The following FIP1L1 variants were observed in gnomAD, a reference collection of about 807,000 sequenced individuals.
FIP1L1 encodes pre-mRNA 3'-end-processing factor FIP1.
Under a neutral mutation model 84.6 loss-of-function variants are expected in FIP1L1, and 21 were observed. That is an observed-to-expected ratio of 0.25 (90% CI 0.18 to 0.36). The LOEUF is 0.36. FIP1L1 is among the 10% of genes least tolerant of loss of function. The pLI, the probability that FIP1L1 is intolerant of heterozygous loss-of-function variation, is 1.00. For missense variants in FIP1L1, 526 were observed against 751.1 expected (o/e 0.70, Z 3.50); for synonymous variants, 263 against 242.3 (o/e 1.09, Z -0.80).
rs1473432567 is a variant in FIP1L1, at chr4:53,401,117, A to G, written c.815+1278A>G. Among the ~76,000 whole-genome samples, 9 of 152,338 alleles carry G rather than the reference A, an allele frequency of 5.9e-5. No individual in the cohort carries two copies. The East Asian group carries it at 1.5e-3, about 26-fold the overall frequency. On this transcript the variant is annotated intron_variant, in intron 10 of 17. Transcript: ENST00000337488. ...AGTAATAGTACTTCCCTCACAGTGT[A>G]GTTATCTATATTCAGTGGATTCATT...
chr4:53,436,455 A>G (rs571447132), intron 13 of FIP1L1, among the ~76,000 whole-genome samples: 4 of 152,230 alleles, frequency 2.6e-5, no homozygotes, highest in Non-Finnish European at 5.9e-5. Context: ...TAATCAAAGC[A>G]TGTAAGCCAA....
intron 11 of FIP1L1, among the ~76,000 whole-genome samples, chr4:53,416,063 A>C (rs1474976271): frequency 6.6e-6 from 1 of 152,258 alleles, no homozygotes; most frequent in African/African-American, 2.4e-5. Context: ...GTTATTTTAA[A>C]TAAAGAAAAG....
chr4:53,414,953 G>A (rs529033741), intron 11 of FIP1L1, among the ~76,000 whole-genome samples: 10 of 151,894 alleles, frequency 6.6e-5, no homozygotes, highest in South Asian at 4.2e-4. Context: ...ATATTGAACC[G>A]TGCTAATGGA....
chr4:53,397,997 T>G (rs2149468433), intron 9 of FIP1L1, among the ~76,000 whole-genome samples: 1 of 152,326 alleles, frequency 6.6e-6, no homozygotes, highest in Non-Finnish European at 1.5e-5. Context: ...TGAATATTCC[T>G]TGACATCCCC....
At chr4:53,408,047 C>G (rs1317562920) in intron 10 of FIP1L1, among the ~76,000 whole-genome samples, 2 of 152,160 alleles carry the variant, frequency 1.3e-5, no homozygotes, top group South Asian at 2.1e-4. Flanking sequence ...ATGATGTTAG[C>G]TGGTTATTTT....
intron 11 of FIP1L1, among the ~76,000 whole-genome samples, chr4:53,423,969 T>A (rs970544598): frequency 3.3e-5 from 5 of 152,054 alleles, no homozygotes; most frequent in Non-Finnish European, 7.4e-5. Flanking sequence ...CTATAGAAAA[T>A]TTTCCCCTCA....
At chr4:53,451,720 A>G (rs997480385) in intron 15 of FIP1L1, among the ~76,000 whole-genome samples, 19 of 151,694 alleles carry the variant, frequency 1.3e-4, no homozygotes, top group African/African-American at 4.4e-4. Flanking sequence ...ATTGTGGTTC[A>G]TTATTTTAGT....
At chr4:53,436,861 C>A (rs1466081666) in intron 13 of FIP1L1, among the ~76,000 whole-genome samples, 4 of 151,560 alleles carry the variant, frequency 2.6e-5, no homozygotes, top group Non-Finnish European at 4.4e-5. Context: ...GTCTTACCCC[C>A]ACCCACTTTT....
In FIP1L1 at chr4:53,414,731, AT is replaced by A. The variant is rs775846491; in HGVS notation, c.923+14del. 3.9e-6 allele frequency: 6 copies of A among 1,530,038 alleles called. No individual in the cohort carries two copies. In the South Asian group the frequency reaches 5.6e-5, roughly 14 times the overall value. 94.8% of individuals were successfully genotyped at this position (1,530,038 alleles called of 1,614,324 possible). A position where few individuals can be genotyped will look rare whatever the true frequency, so the allele number is the denominator to read the frequency against. Reference sequence around the variant, plus strand: ...GAATCACCTGATCTAAGGTAAGGCTATTTTTAAACATTGGATACTCCCTGAT... The same window carrying A: ...GAATCACCTGATCTAAGGTAAGGCTATTTTAAACATTGGATACTCCCTGAT... On this transcript the variant is annotated intron_variant, in intron 11 of 17. Coordinates refer to ENST00000337488, the MANE Select transcript of FIP1L1 (RefSeq NM_030917.4).
At chr4:53,417,780 CTCTCTCTCTCTCTCT>C (rs1760426575) in intron 11 of FIP1L1, among the ~76,000 whole-genome samples, 4 of 33,632 alleles carry the variant, frequency 1.2e-4, no homozygotes, top group Non-Finnish European at 1.9e-4. Context: ...CTCTCTCTCT[CTCTCTCTCTCTCTCT>C]CTCTCTCTCT....
intron 9 of FIP1L1, among the ~76,000 whole-genome samples, chr4:53,395,376 T>G (rs1007428514): frequency 7.9e-5 from 12 of 152,206 alleles, no homozygotes; most frequent in African/African-American, 2.9e-4. Flanking sequence ...TCTCTCTTTC[T>G]CTTTTAATGT....
chr4:53,383,068 T>G (rs74916447), intron 4 of FIP1L1, among the ~76,000 whole-genome samples: 2,732 of 152,140 alleles, frequency 0.018, 85 homozygotes, highest in African/African-American at 0.062. Flanking sequence ...TTTGTGACAC[T>G]GTGAATCTTA....
At chr4:53,391,635 A>G in intron 9 of FIP1L1, 137 bp downstream of exon 9, 1 of 620,908 alleles carries the variant, frequency 1.6e-6, no homozygotes, top group South Asian at 1.9e-5. Context: ...GTGACTTACA[A>G]ATTTGCTGAT....
At chr4:53,383,994 A>G (rs1739491469) in intron 5 of FIP1L1, 118 bp downstream of exon 5, 17 of 973,492 alleles carry the variant, frequency 1.7e-5, no homozygotes, top group Admixed American at 2.7e-5. Flanking sequence ...TTTTAACATA[A>G]AAGAACTTGT....
intron 15 of FIP1L1, among the ~76,000 whole-genome samples, chr4:53,451,759 A>G (rs963612487): frequency 8.5e-5 from 13 of 152,130 alleles, no homozygotes; most frequent in African/African-American, 2.9e-4. Flanking sequence ...AAACTCTGCT[A>G]TTGAATAGCG....
At chr4:53,458,851 G>T in intron 17 of FIP1L1, 61 bp downstream of exon 17, 1 of 1,551,616 alleles carries the variant, frequency 6.4e-7, no homozygotes, top group Non-Finnish European at 8.7e-7. Flanking sequence ...TTACTACATT[G>T]TCGCATTGGA....
intron 4 of FIP1L1, among the ~76,000 whole-genome samples, chr4:53,382,620 C>T (rs1738692611): frequency 6.6e-6 from 1 of 152,186 alleles, no homozygotes; most frequent in Admixed American, 6.5e-5. Flanking sequence ...ATATAGTGAG[C>T]CTGGTTTTCA....
At chr4:53,456,552 C>T (rs1195295916) in intron 16 of FIP1L1, among the ~76,000 whole-genome samples, 3 of 33,844 alleles carry the variant, frequency 8.9e-5, no homozygotes, top group Admixed American at 9.3e-4. Flanking sequence ...GGTATTTTAG[C>T]AGTATGGCAT....
intron 12 of FIP1L1, among the ~76,000 whole-genome samples, chr4:53,427,155 C>T (rs900181748): frequency 2.0e-5 from 3 of 151,912 alleles, no homozygotes; most frequent in African/African-American, 4.8e-5. Context: ...CAGCATAAGC[C>T]CTACAAAAAA....
Sources: gnomAD v4.1 joint callset for allele counts (sites outside exome capture counted in the v4.1 genomes callset) on GRCh38, gnomAD v4.1.1 for gene constraint, MANE v1.5 for transcripts, NCBI Gene and HGNC (gene_info 2026-07-23, HGNC 2026-07-21) for gene names.